Variants in ZNF487 observed in about 807,000 individuals in gnomAD.
ZNF487 encodes KRAB domain only 1.
Under a neutral mutation model 3.0 loss-of-function variants are expected in ZNF487, and 4 were observed. That is an observed-to-expected ratio of 1.35 (90% CI 0.66 to 3.08). ZNF487 has a LOEUF of 3.08. ZNF487 is among the 30% of genes most tolerant of loss of function. The pLI is 0.01. For missense variants in ZNF487, 146 were observed against 98.7 expected, an observed-to-expected ratio of 1.48 and a Z score of -2.03; for synonymous variants, 55 against 34.6, an observed-to-expected ratio of 1.59 and a Z score of -2.06.
chr10:43,493,900 T>A, the ZNF487 span, among the ~76,000 whole-genome samples: 1 of 150,946 alleles, frequency 6.6e-6, no homozygotes, highest in African/African-American at 2.4e-5. Context: ...GCGCGTTGGC[T>A]CATGCCTGTA....
At chr10:43,489,384 C>T in the ZNF487 span, among the ~76,000 whole-genome samples, 6 of 152,210 alleles carry the variant, frequency 3.9e-5, no homozygotes, top group East Asian at 3.9e-4. Context: ...GATGGAGTCT[C>T]GCTCTGTCGC....
intron 1 of ZNF487, among the ~76,000 whole-genome samples, chr10:43,475,450 G>A (rs1185936197): frequency 3.9e-5 from 6 of 151,908 alleles, no homozygotes; most frequent in Admixed American, 3.3e-4. Context: ...CAGTGGTCAA[G>A]GTTGCAGTGA....
the ZNF487 span, among the ~76,000 whole-genome samples, chr10:43,515,636 C>A: frequency 1.3e-5 from 2 of 152,194 alleles, no homozygotes; most frequent in African/African-American, 4.8e-5. Context: ...TGCATGTCAG[C>A]CACTCTCATG....
the ZNF487 span, among the ~76,000 whole-genome samples, chr10:43,491,613 T>A: frequency 6.6e-6 from 1 of 151,660 alleles, no homozygotes; most frequent in South Asian, 2.1e-4. Flanking sequence ...AGCCCTTACC[T>A]TTTGCCCAGC....
intron 1 of ZNF487, among the ~76,000 whole-genome samples, chr10:43,440,052 A>ATTTTT (rs147487158): frequency 1.4e-5 from 2 of 146,048 alleles, no homozygotes; most frequent in South Asian, 2.1e-4. Flanking sequence ...ATATATATAT[A>ATTTTT]TATTTTTTTT....
chr10:43,499,721 A>C, the ZNF487 span, among the ~76,000 whole-genome samples: 3 of 152,008 alleles, frequency 2.0e-5, no homozygotes, highest in Non-Finnish European at 4.4e-5. Context: ...GTCACACTCC[A>C]ACTTGGGTGA....
the ZNF487 span, among the ~76,000 whole-genome samples, chr10:43,504,746 G>A: frequency 6.7e-6 from 1 of 148,220 alleles, no homozygotes; most frequent in African/African-American, 2.5e-5. Flanking sequence ...AGACAGTGTT[G>A]CCCAGGCTGG....
the ZNF487 span, among the ~76,000 whole-genome samples, chr10:43,502,403 C>T: frequency 6.6e-6 from 1 of 151,950 alleles, no homozygotes; most frequent in South Asian, 2.1e-4. Context: ...GGGATAGCAT[C>T]AGGAGGTATA....
At chr10:43,466,984 C>CA (rs1387306466) in intron 1 of ZNF487, among the ~76,000 whole-genome samples, 7 of 151,402 alleles carry the variant, frequency 4.6e-5, no homozygotes, top group Non-Finnish European at 8.8e-5. Context: ...TCTCCTGCCG[C>CA]AGCCTCCTCA....
At chr10:43,507,453 C>G in the ZNF487 span, among the ~76,000 whole-genome samples, 5 of 152,272 alleles carry the variant, frequency 3.3e-5, no homozygotes, top group East Asian at 9.6e-4. Flanking sequence ...CTGTTGCTTC[C>G]CCTGCTTCTG....
chr10:43,493,710 ATATAT>A, the ZNF487 span, among the ~76,000 whole-genome samples: 597 of 24,788 alleles, frequency 0.024, 35 homozygotes, highest in African/African-American at 0.062. Flanking sequence ...AAAAAAAAAA[ATATAT>A]ATATATATAT....
At chr10:43,499,965 C>A in the ZNF487 span, among the ~76,000 whole-genome samples, 4 of 152,082 alleles carry the variant, frequency 2.6e-5, no homozygotes, top group African/African-American at 9.7e-5. Flanking sequence ...TTCACTGCAA[C>A]CTCCGCCTCC....
upstream of ZNF487, chr10:43,437,025 G>A (rs562523747): frequency 3.4e-4 from 126 of 367,000 alleles, no homozygotes; most frequent in African/African-American, 2.7e-3. Context: ...GCACGCGGGA[G>A]CAGCAAGGCT....
chr10:43,496,731 G>A, the ZNF487 span, among the ~76,000 whole-genome samples: 1 of 152,176 alleles, frequency 6.6e-6, no homozygotes, highest in Non-Finnish European at 1.5e-5. Flanking sequence ...ATGCTAGCAT[G>A]GTCAGGTTCT....
At chr10:43,451,417 G>A (rs1840006346) in intron 1 of ZNF487, among the ~76,000 whole-genome samples, 1 of 151,576 alleles carries the variant, frequency 6.6e-6, no homozygotes, top group Non-Finnish European at 1.5e-5. Context: ...GGCTAATTTT[G>A]TATTTTTAGT....
In ZNF487 at chr10:43,482,858, C is replaced by A; in HGVS notation, c.*936C>A. 1 of 530,226 alleles carries A rather than the reference C, an allele frequency of 1.9e-6. No homozygotes were observed. 32.8% of individuals were successfully genotyped at this position (530,226 alleles called of 1,614,324 possible). Reference sequence around the variant, plus strand: ...AATGTAATGAATGTGAGAAAATGTTCTACCACAAGTCATCCCTCACAGTAC... The same window carrying A: ...AATGTAATGAATGTGAGAAAATGTTATACCACAAGTCATCCCTCACAGTAC... On this transcript the variant is annotated 3_prime_UTR_variant, in exon 4 of 4. Coordinates refer to ENST00000437590, the MANE Select transcript of ZNF487 (RefSeq NM_001355444.3).
chr10:43,498,099 ATTTTTTTTTTTTTTCT>A, the ZNF487 span, among the ~76,000 whole-genome samples: 907 of 20,020 alleles, frequency 0.045, 29 homozygotes, highest in South Asian at 0.054. Flanking sequence ...ATATATATAT[ATTTTTTTTTTTTTTCT>A]TTTTTTTTTT....
the ZNF487 span, among the ~76,000 whole-genome samples, chr10:43,493,430 C>T: frequency 6.6e-6 from 1 of 151,882 alleles, no homozygotes; most frequent in African/African-American, 2.4e-5. Flanking sequence ...CGTGATGGCT[C>T]ACACCTGTAA....
downstream of ZNF487, among the ~76,000 whole-genome samples, chr10:43,488,107 A>T (rs895648526): frequency 2.6e-5 from 4 of 151,932 alleles, no homozygotes; most frequent in Non-Finnish European, 4.4e-5. Context: ...GTCTCAAAAA[A>T]AAAAAGAATT....
Sources: gnomAD v4.1 joint callset for allele counts (sites outside exome capture counted in the v4.1 genomes callset) on GRCh38, gnomAD v4.1.1 for gene constraint, MANE v1.5 for transcripts, NCBI Gene and HGNC (gene_info 2026-07-23, HGNC 2026-07-21) for gene names.